Variants in BCAT1 observed in about 807,000 individuals in gnomAD.
The protein encoded by BCAT1 is branched chain amino acid transaminase 1, also known as branched-chain-amino-acid aminotransferase, cytosolic.
Under a neutral mutation model 52.4 loss-of-function variants are expected in BCAT1, and 48 were observed. The observed-to-expected ratio is 0.92, with a 90% CI of 0.73 to 1.16. The LOEUF is 1.16. Ranked by LOEUF, BCAT1 falls within the 50% of genes most tolerant of loss-of-function variation. The probability of loss-of-function intolerance (pLI) is 0.00; values close to 1 mark genes in which losing one functional copy is unlikely to be tolerated. For missense variants in BCAT1, 451 were observed against 457.1 expected, an observed-to-expected ratio of 0.99 and a Z score of 0.12; for synonymous variants, 167 against 161.3, an observed-to-expected ratio of 1.04 and a Z score of -0.27.
chr12:24,919,321 C>T (rs1943467883), intron 1 of BCAT1, among the ~76,000 whole-genome samples: 1 of 152,220 alleles, frequency 6.6e-6, no homozygotes, highest in South Asian at 2.1e-4. Flanking sequence ...GTCCGCAGGA[C>T]TTTTCCCAAA....
At chr12:24,942,851 A>G (rs1943869443) in intron 1 of BCAT1, among the ~76,000 whole-genome samples, 2 of 152,254 alleles carry the variant, frequency 1.3e-5, no homozygotes, top group Admixed American at 1.3e-4. Flanking sequence ...CTGTAACTAT[A>G]CACCTTAGAT....
intron 2 of BCAT1, among the ~76,000 whole-genome samples, chr12:24,901,044 G>A (rs1943089940): frequency 6.6e-6 from 1 of 152,252 alleles, no homozygotes; most frequent in Non-Finnish European, 1.5e-5. Context: ...TGCAAGTAGA[G>A]ACCTAATCTT....
chr12:24,839,913 C>T (rs567244827), intron 7 of BCAT1, among the ~76,000 whole-genome samples: 5 of 152,170 alleles, frequency 3.3e-5, no homozygotes, highest in African/African-American at 1.2e-4. Flanking sequence ...TTTTTCCTAA[C>T]ATTCTATTTA....
At chr12:24,905,550 C>G (rs1230698911) in intron 1 of BCAT1, among the ~76,000 whole-genome samples, 1 of 152,088 alleles carries the variant, frequency 6.6e-6, no homozygotes, top group South Asian at 2.1e-4. Context: ...AATCAGATAA[C>G]CTTAAAGGTT....
At chr12:24,912,227 G>T (rs1323222001) in intron 1 of BCAT1, among the ~76,000 whole-genome samples, 1 of 152,054 alleles carries the variant, frequency 6.6e-6, no homozygotes, top group African/African-American at 2.4e-5. Context: ...TAAAAAATTA[G>T]AAGAGGGCTG....
chr12:24,833,570 A>G (rs1374015234), intron 8 of BCAT1, among the ~76,000 whole-genome samples: 1 of 152,082 alleles, frequency 6.6e-6, no homozygotes, highest in Non-Finnish European at 1.5e-5. Flanking sequence ...ACTTTACCAT[A>G]AAGGAGAACA....
chr12:24,928,912 T>G (rs1943638007), intron 1 of BCAT1, among the ~76,000 whole-genome samples: 1 of 151,936 alleles, frequency 6.6e-6, no homozygotes, highest in African/African-American at 2.4e-5. Flanking sequence ...TTTTTTTTAT[T>G]TTATTTTATT....
At chr12:24,860,787 C>A (rs1355904866) in intron 5 of BCAT1, among the ~76,000 whole-genome samples, 1 of 152,154 alleles carries the variant, frequency 6.6e-6, no homozygotes, top group African/African-American at 2.4e-5. Flanking sequence ...TTCTGACAGG[C>A]CTAGGAGCTC....
intron 1 of BCAT1, among the ~76,000 whole-genome samples, chr12:24,911,039 G>A (rs1364351782): frequency 6.6e-6 from 1 of 151,914 alleles, no homozygotes; most frequent in Non-Finnish European, 1.5e-5. Context: ...GGGAGGTGGA[G>A]GTTGCAGTGA....
chr12:24,875,299 G>A (rs1471955556), intron 5 of BCAT1, among the ~76,000 whole-genome samples: 1 of 152,202 alleles, frequency 6.6e-6, no homozygotes, highest in African/African-American at 2.4e-5. Context: ...ATTATTGGAT[G>A]TTATTTGTAT....
chr12:24,898,217 A>T (rs1210368828), intron 2 of BCAT1, among the ~76,000 whole-genome samples: 1 of 152,134 alleles, frequency 6.6e-6, no homozygotes, highest in Non-Finnish European at 1.5e-5. Context: ...TAAAAATAAT[A>T]TTTTGTCAAA....
intron 1 of BCAT1, among the ~76,000 whole-genome samples, chr12:24,911,829 A>C (rs528975191): frequency 5.9e-4 from 90 of 152,232 alleles, no homozygotes; most frequent in Non-Finnish European, 1.1e-3. Context: ...CAGAGAGACA[A>C]ACACATGAAG....
chr12:24,945,937 C>A (rs1378913121), intron 1 of BCAT1: 1 of 152,216 alleles, frequency 6.6e-6, no homozygotes, highest in Admixed American at 6.5e-5. Flanking sequence ...AGCAACCAAA[C>A]CTTCCTGAGC....
chr12:24,831,663 CAAA>C (rs761298642), intron 9 of BCAT1, among the ~76,000 whole-genome samples: 10 of 152,054 alleles, frequency 6.6e-5, no homozygotes, highest in Non-Finnish European at 1.2e-4. Context: ...AACAAACAAA[CAAA>C]AAAAGTTGTA....
chr12:24,881,900 C>G (rs954199), intron 3 of BCAT1, among the ~76,000 whole-genome samples: 20,273 of 152,130 alleles, frequency 0.13, 1,458 homozygotes, highest in Middle Eastern at 0.18. Context: ...TCACAGAAAC[C>G]AGGCAGCTCA....
At chr12:24,844,894 C>CAAAAAAAAAAAAAAAAAAAAAAAAAAAA (rs11318750) in intron 6 of BCAT1, among the ~76,000 whole-genome samples, 1 of 36,002 alleles carries the variant, frequency 2.8e-5, no homozygotes, top group Non-Finnish European at 5.1e-5. Context: ...GAGACTGTCT[C>CAAAAAAAAAAAAAAAAAAAAAAAAAAAA]AAAAAAAAAA....
intron 10 of BCAT1, among the ~76,000 whole-genome samples, chr12:24,827,059 G>A (rs1433560446): frequency 1.3e-5 from 2 of 152,036 alleles, no homozygotes; most frequent in African/African-American, 2.4e-5. Flanking sequence ...GTTTTTCTAG[G>A]TGTAAGATAA....
chr12:24,874,939 G>C (rs1294937750), intron 5 of BCAT1, among the ~76,000 whole-genome samples: 1 of 149,868 alleles, frequency 6.7e-6, no homozygotes, highest in Non-Finnish European at 1.5e-5. Flanking sequence ...ATAAGACCCA[G>C]TTAATCTAAC....
intron 3 of BCAT1, among the ~76,000 whole-genome samples, chr12:24,882,014 A>G (rs1332555395): frequency 2.6e-5 from 4 of 152,236 alleles, no homozygotes; most frequent in Middle Eastern, 3.2e-3. Flanking sequence ...ACATACTGAT[A>G]AATACAGAGA....
Sources: gnomAD v4.1 joint callset for allele counts (sites outside exome capture counted in the v4.1 genomes callset) on GRCh38, gnomAD v4.1.1 for gene constraint, MANE v1.5 for transcripts, NCBI Gene and HGNC (gene_info 2026-07-23, HGNC 2026-07-21) for gene names.